The following EYA2 variants were observed in gnomAD, a reference collection of about 807,000 sequenced individuals.
The protein encoded by EYA2 is protein phosphatase EYA2.
Under a neutral mutation model 69.2 loss-of-function variants are expected in EYA2, and 31 were observed. The ratio of observed to expected loss-of-function variants is 0.45; its 90% CI spans 0.34 to 0.60. EYA2 has a LOEUF of 0.60. EYA2 is among the 20% of genes least tolerant of loss of function. The pLI is 0.02. For missense variants in EYA2, 622 were observed against 701.2 expected (o/e 0.89, Z 1.28); for synonymous variants, 257 against 279.4 (o/e 0.92, Z 0.80).
chr20:46,965,517 C>T (rs1201873253), intron 1 of EYA2, among the ~76,000 whole-genome samples: 1 of 152,232 alleles, frequency 6.6e-6, no homozygotes, highest in Non-Finnish European at 1.5e-5. Flanking sequence ...TGGAAGGTCC[C>T]AGCCCCGCAG....
chr20:47,114,738 G>A (rs1288801736), intron 9 of EYA2, among the ~76,000 whole-genome samples: 2 of 152,138 alleles, frequency 1.3e-5, no homozygotes, highest in African/African-American at 4.8e-5. Context: ...GGGCCTGGTG[G>A]GAGGTGTTGG....
At chr20:47,086,131 G>A (rs982885686) in intron 7 of EYA2, among the ~76,000 whole-genome samples, 7 of 152,200 alleles carry the variant, frequency 4.6e-5, no homozygotes, top group Admixed American at 4.6e-4. Flanking sequence ...CTTTTACTCT[G>A]TATTAGTCTG....
intron 1 of EYA2, among the ~76,000 whole-genome samples, chr20:46,936,602 C>T (rs955544337): frequency 1.3e-5 from 2 of 152,166 alleles, no homozygotes; most frequent in Non-Finnish European, 2.9e-5. Flanking sequence ...TTTCCTCCCA[C>T]AAAGGCAGGT....
chr20:47,016,377 C>A, intron 5 of EYA2, 80 bp downstream of exon 5: 1 of 1,107,442 alleles, frequency 9.0e-7, no homozygotes, highest in Non-Finnish European at 1.4e-6. Flanking sequence ...ATTCATTCAG[C>A]AGATTTTTTG....
At chr20:46,966,154 T>G (rs1361930893) in intron 1 of EYA2, among the ~76,000 whole-genome samples, 1 of 152,204 alleles carries the variant, frequency 6.6e-6, no homozygotes, top group African/African-American at 2.4e-5. Context: ...TTTTTTGGGA[T>G]GGGATATCCC....
At chr20:46,919,508 T>G (rs534696285) in intron 1 of EYA2, among the ~76,000 whole-genome samples, 1 of 152,244 alleles carries the variant, frequency 6.6e-6, no homozygotes, top group African/African-American at 2.4e-5. Context: ...TCTTGGTAGC[T>G]TCAAACTTTT....
intron 1 of EYA2, among the ~76,000 whole-genome samples, chr20:46,946,865 C>T (rs1978491241): frequency 1.4e-5 from 2 of 147,538 alleles, no homozygotes; most frequent in Admixed American, 1.4e-4. Context: ...GTTCTTCTTA[C>T]TGCAGTTTTG....
intron 9 of EYA2, among the ~76,000 whole-genome samples, chr20:47,126,998 G>A (rs757102568): frequency 5.8e-4 from 88 of 152,042 alleles, no homozygotes; most frequent in Non-Finnish European, 8.7e-4. Context: ...TTTCATTCTT[G>A]TAGAATGCTC....
At chr20:46,916,299 G>T (rs904170216) in intron 1 of EYA2, among the ~76,000 whole-genome samples, 1 of 152,150 alleles carries the variant, frequency 6.6e-6, no homozygotes, top group Non-Finnish European at 1.5e-5. Context: ...AGTTGAAATG[G>T]TCTTTAACTG....
chr20:46,904,645 T>C (rs1019855475), intron 1 of EYA2, among the ~76,000 whole-genome samples: 11 of 152,114 alleles, frequency 7.2e-5, no homozygotes, highest in African/African-American at 2.7e-4. Flanking sequence ...CCTTAATGAA[T>C]TGGAAAAGAA....
At chr20:46,925,485 T>C (rs558534422) in intron 1 of EYA2, among the ~76,000 whole-genome samples, 82 of 152,024 alleles carry the variant, frequency 5.4e-4, no homozygotes, top group Non-Finnish European at 9.6e-4. Flanking sequence ...TAGAAATTGA[T>C]CAGAAAACAG....
At chr20:47,143,853 G>C (rs561558686) in intron 10 of EYA2, among the ~76,000 whole-genome samples, 77 of 152,244 alleles carry the variant, frequency 5.1e-4, no homozygotes, top group Middle Eastern at 6.8e-3. Flanking sequence ...AAAAAATCCA[G>C]GCTCAGGCTA....
chr20:46,978,612 G>A (rs371986156), intron 1 of EYA2: 34 of 534,688 alleles, frequency 6.4e-5, no homozygotes, highest in African/African-American at 3.7e-4. Context: ...ATGGAAAGCC[G>A]TCAGAGGTTA....
At chr20:47,098,604 G>A (rs940094948) in intron 9 of EYA2, among the ~76,000 whole-genome samples, 5 of 152,274 alleles carry the variant, frequency 3.3e-5, no homozygotes, top group East Asian at 1.9e-4. Context: ...ACAAAGCCCC[G>A]AGTTCCTTTC....
chr20:47,167,524 T>C (rs2034226538), intron 10 of EYA2, among the ~76,000 whole-genome samples: 1 of 152,100 alleles, frequency 6.6e-6, no homozygotes, highest in South Asian at 2.1e-4. Context: ...CCTCAAGTGA[T>C]CCACCCGCCT....
intron 4 of EYA2, among the ~76,000 whole-genome samples, chr20:47,010,704 T>A (rs1983005445): frequency 6.6e-6 from 1 of 150,778 alleles, no homozygotes; most frequent in Non-Finnish European, 1.5e-5. Context: ...TGTACAAATA[T>A]AAATATAATA....
chr20:46,963,873 A>T (rs1979628349), intron 1 of EYA2, among the ~76,000 whole-genome samples: 1 of 152,218 alleles, frequency 6.6e-6, no homozygotes, highest in Non-Finnish European at 1.5e-5. Flanking sequence ...ATGGTGCAGG[A>T]TGTTCAGCAT....
At chr20:46,955,584 G>A (rs1056457635) in intron 1 of EYA2, among the ~76,000 whole-genome samples, 11 of 152,140 alleles carry the variant, frequency 7.2e-5, no homozygotes, top group South Asian at 6.2e-4. Flanking sequence ...CATAACCCCT[G>A]TTAATTGTTG....
At chr20:47,183,186 C>G in intron 14 of EYA2, 105 bp from the exon 15 acceptor site, 1 of 973,794 alleles carries the variant, frequency 1.0e-6, no homozygotes, top group Non-Finnish European at 1.6e-6. Flanking sequence ...GAATACCGGG[C>G]CTTTGGGAGC....
Sources: gnomAD v4.1 joint callset for allele counts (sites outside exome capture counted in the v4.1 genomes callset) on GRCh38, gnomAD v4.1.1 for gene constraint, MANE v1.5 for transcripts, NCBI Gene and HGNC (gene_info 2026-07-23, HGNC 2026-07-21) for gene names.